The following VLDLR variants were observed in gnomAD, a reference collection of about 807,000 sequenced individuals.
The protein encoded by VLDLR is very low-density lipoprotein receptor.
VLDLR carries 81 observed loss-of-function variants against 112.7 expected under a neutral mutation model. The ratio of observed to expected loss-of-function variants is 0.72; its 90% CI spans 0.60 to 0.86. VLDLR has a LOEUF of 0.86. VLDLR is among the 40% of genes least tolerant of loss of function. The pLI is 0.00. For missense variants in VLDLR, 1,237 were observed against 1,099.4 expected, an observed-to-expected ratio of 1.13 and a Z score of -1.77; for synonymous variants, 436 against 384.8, an observed-to-expected ratio of 1.13 and a Z score of -1.56.
intron 1 of VLDLR, among the ~76,000 whole-genome samples, chr9:2,624,857 A>G (rs1367571144): frequency 6.6e-6 from 1 of 152,220 alleles, no homozygotes; most frequent in Non-Finnish European, 1.5e-5. Context: ...CCTTGGCAGT[A>G]ACAGCTTCAT....
chr9:2,650,536 A>C lies in VLDLR; in HGVS notation c.2251+20A>C, dbSNP rs752601537. The C allele has an allele frequency of 6.2e-7, 1 of 1,612,326 alleles. No individual in the cohort carries two copies. The highest frequency in any genetic ancestry group is 2.2e-5 in the East Asian group (1 of 44,880). On this transcript the variant is annotated intron_variant, in intron 15 of 18. Transcript: ENST00000382100. ...GTCAAAGTAAGGCATTTTGTGTTTC[A>C]ACCACAAGTAGAACCTACAACAAGC...
rs1028554093 is a variant in VLDLR, at chr9:2,644,688, T to G, written c.1067-46T>G. The G allele has an allele frequency of 3.1e-6, 5 of 1,613,270 alleles. No homozygotes were observed. The African/African-American group carries it at 6.7e-5, about 22-fold the overall frequency. On this transcript the variant is annotated intron_variant, in intron 7 of 18. Coordinates refer to ENST00000382100, the MANE Select transcript of VLDLR (RefSeq NM_003383.5). ...GCCTGGGTTTTAAATGTGAAAGATA[T>G]TAATTGAAAATAAGTTGTCAAGTGA...
At chr9:2,629,932 G>A (rs1394669441) in intron 1 of VLDLR, among the ~76,000 whole-genome samples, 1 of 152,184 alleles carries the variant, frequency 6.6e-6, no homozygotes, top group Non-Finnish European at 1.5e-5. Context: ...AAGGAGCTGG[G>A]ATTACAGGTG....
intron 10 of VLDLR, 77 bp downstream of exon 10, chr9:2,645,822 G>C (rs1325599273): frequency 1.9e-6 from 3 of 1,582,686 alleles, no homozygotes; most frequent in Non-Finnish European, 2.6e-6. Flanking sequence ...ATAGTTTGGA[G>C]GAGTTTCTTT....
In VLDLR at chr9:2,648,780, A is replaced by G; in HGVS notation, c.2074A>G (p.Ile692Val). 6.2e-7 allele frequency: 1 copy of G among 1,614,170 alleles called. No individual in the cohort carries two copies. Among genetic ancestry groups the G allele is most frequent in the Non-Finnish European group, 8.5e-7 (1 of 1,180,038 alleles). ...VNNLNDAQDI[I>V]VYHELVQPSG... ...CAACCTGAATGATGCCCAAGACATC[A>G]TTGTCTATCATGAACTTGTACAGCC... Residue 692 changes from isoleucine to valine, a missense_variant, in exon 14 of 19, where the codon ATT (isoleucine) becomes GTT (valine). Physicochemically the swap from Ile to Val is conservative, Grantham distance 29. Transcript: ENST00000382100.
chr9:2,646,273 C>G, intron 10 of VLDLR, 61 bp from the exon 11 acceptor site: 2 of 1,554,160 alleles, frequency 1.3e-6, no homozygotes, highest in Non-Finnish European at 1.8e-6. Context: ...AGCAAAAAGT[C>G]CATTCTCCAA....
intron 1 of VLDLR, among the ~76,000 whole-genome samples, chr9:2,623,875 T>G (rs1029700091): frequency 6.6e-6 from 1 of 152,176 alleles, no homozygotes; most frequent in East Asian, 1.9e-4. Flanking sequence ...TACAAGAGTT[T>G]CCAAACGCTA....
intron 1 of VLDLR, among the ~76,000 whole-genome samples, chr9:2,630,229 AC>A: frequency 6.6e-6 from 1 of 152,234 alleles, no homozygotes; most frequent in African/African-American, 2.4e-5. Flanking sequence ...CCTTAGGAAA[AC>A]TTTTTTGCTG....
Position 2,658,913 on chromosome 9 carries a change from G to A in VLDLR, c.*5045G>A, listed in dbSNP as rs1393223650. The stretch of plus-strand genomic sequence containing the variant: ...GAGATCTAAGTCTGATATTTAAGGA[G>A]TGATAGCATCTTGCATACTTAAGAA... On this transcript the variant is annotated 3_prime_UTR_variant, in exon 19 of 19. Transcript: ENST00000382100. The A allele has an allele frequency of 1.3e-5, 2 of 152,122 alleles. No homozygotes were observed. The highest frequency in any genetic ancestry group is 2.1e-4 in the South Asian group (1 of 4,818). 9.4% of individuals were successfully genotyped at this position (152,122 alleles called of 1,614,324 possible).
intron 14 of VLDLR, 131 bp downstream of exon 14, chr9:2,648,941 C>A: frequency 9.0e-7 from 1 of 1,109,954 alleles, no homozygotes; most frequent in Non-Finnish European, 1.3e-6. Context: ...CTGTACCCTA[C>A]CTTAAACATT....
chr9:2,653,843 T>A lies in VLDLR; in HGVS notation c.2597T>A (p.Val866Glu), dbSNP rs1380985702. Residue 866 changes from valine (V) to glutamate (E), a missense_variant, in exon 19 of 19, where the codon GTA (valine) becomes GAA (glutamate). By Grantham distance (121) the Val-to-Glu change is moderately radical (BLOSUM62 -2). Transcript: ENST00000382100. ...VGHTYPAISV[V>E]STDDDLA is the part of the protein sequence containing the mutation. The stretch of plus-strand genomic sequence containing the variant: ...TCTTCTTTTCCACAGATATCAGTTG[T>A]AAGCACAGATGATGATCTAGCTTGA... The A allele has an allele frequency of 6.2e-7, 1 of 1,613,956 alleles. No individual in the cohort carries two copies. Among genetic ancestry groups the A allele is most frequent in the Non-Finnish European group, 8.5e-7 (1 of 1,179,848 alleles).
In VLDLR at chr9:2,635,587, T is replaced by C; in HGVS notation, c.202+15T>C. ...AAAGAACTGTGGTAAGTAAAGAGTT[T>C]GATGACTTATGCATTTTGTTAAAAT... On this transcript the variant is annotated intron_variant, in intron 2 of 18. Coordinates refer to ENST00000382100, the MANE Select transcript of VLDLR (RefSeq NM_003383.5). The C allele has an allele frequency of 6.2e-7, 1 of 1,613,932 alleles. No homozygotes were observed. Among genetic ancestry groups the C allele is most frequent in the Middle Eastern group, 1.7e-4 (1 of 6,060 alleles).
intron 1 of VLDLR, 71 bp from the exon 2 acceptor site, chr9:2,635,382 A>G (rs1817555549): frequency 6.2e-7 from 1 of 1,609,872 alleles, no homozygotes. Flanking sequence ...GAAGGTCCCC[A>G]TCCATGGGTA....
In VLDLR at chr9:2,643,206, C is replaced by G. The variant is rs1586649949; in HGVS notation, c.495C>G (p.Arg165=). The change falls in exon 5 of 19, where the codon CGC becomes CGG. Residue 165 remains arginine (R), a synonymous_variant. Coordinates refer to ENST00000382100, the MANE Select transcript of VLDLR (RefSeq NM_003383.5). ...ACGAGTTCACCTGCTCCAGTGGCCG[C>G]TGCATCTCCAGGAACTTTGTATGCA... ...SPDEFTCSSG[R]CISRNFVCNG... is the part of the protein sequence containing the mutation. The G allele has an allele frequency of 1.2e-6, 2 of 1,613,820 alleles. No individual in the cohort carries two copies. The highest frequency in any genetic ancestry group is 1.6e-4 in the Middle Eastern group (1 of 6,084).
In VLDLR at chr9:2,655,701, CTTT is replaced by C. The variant is rs905603351; in HGVS notation, c.*1839_*1841del. 6.6e-6 allele frequency: 1 copy of C among 151,872 alleles called. No individual in the cohort carries two copies. The highest frequency in any genetic ancestry group is 1.5e-5 in the Non-Finnish European group (1 of 67,976). 9.4% of individuals were successfully genotyped at this position (151,872 alleles called of 1,614,324 possible). A position where few individuals can be genotyped will look rare whatever the true frequency, so the allele number is the denominator to read the frequency against. On this transcript the variant is annotated 3_prime_UTR_variant, in exon 19 of 19. Transcript: ENST00000382100. ...ATGAAAAAGAAAAGATAGCCTTGGACTTTTTTTTCATGGGAGGTTTGGAGGTCA... is the reference window on the plus strand; with the variant it reads ...ATGAAAAAGAAAAGATAGCCTTGGACTTTTTCATGGGAGGTTTGGAGGTCA...
In VLDLR at chr9:2,643,965, T is replaced by C. The variant is rs1364155645; in HGVS notation, c.1066+6T>C. On this transcript the variant is annotated splice_donor_region_variant and intron_variant, in intron 7 of 18. Transcript: ENST00000382100. ...TGAGCCCCTGAAAGAGTGTCGTAAG[T>C]GTACTTGTTGTTCAAGTACAGATCC... 1.2e-6 allele frequency: 2 copies of C among 1,613,982 alleles called. No individual in the cohort carries two copies. Among genetic ancestry groups the C allele is most frequent in the African/African-American group, 1.3e-5 (1 of 74,970 alleles).
intron 1 of VLDLR, among the ~76,000 whole-genome samples, chr9:2,627,710 A>G (rs1254239969): frequency 2.6e-5 from 4 of 151,914 alleles, no homozygotes; most frequent in Non-Finnish European, 4.4e-5. Flanking sequence ...TAAAAATACA[A>G]AAAAATTAGC....
At chr9:2,626,423 G>A (rs189025794) in intron 1 of VLDLR, among the ~76,000 whole-genome samples, 13 of 152,222 alleles carry the variant, frequency 8.5e-5, no homozygotes, top group African/African-American at 3.1e-4. Flanking sequence ...GAGCATCTCA[G>A]ATTGCGGATT....
In VLDLR at chr9:2,622,137, GCGGAGCGAA is replaced by G. The variant is rs1816815856; in HGVS notation, c.-49_-41del. The stretch of plus-strand genomic sequence containing the variant: ...TTCGGAAGGACTGGTAACTTGTCGT[GCGGAGCGAA>G]CGGCGGCGGCGGCGGCGGCGGCGGC... On this transcript the variant is annotated 5_prime_UTR_variant, in exon 1 of 19. Coordinates refer to ENST00000382100, the MANE Select transcript of VLDLR (RefSeq NM_003383.5). The G allele has an allele frequency of 3.5e-6, 5 of 1,425,440 alleles. No individual in the cohort carries two copies. In the South Asian group the frequency reaches 6.7e-5, roughly 19 times the overall value. 88.3% of individuals were successfully genotyped at this position (1,425,440 alleles called of 1,614,324 possible). A position where few individuals can be genotyped will look rare whatever the true frequency, so the allele number is the denominator to read the frequency against.
Sources: allele counts gnomAD v4.1 joint callset (sites outside exome capture counted in the v4.1 genomes callset), GRCh38; gene constraint gnomAD v4.1.1; transcripts MANE v1.5; gene names NCBI Gene and HGNC (gene_info 2026-07-23, HGNC 2026-07-21).